Variants in HPF1 observed in about 807,000 individuals in gnomAD.
HPF1 encodes the protein histone PARylation factor 1.
Under a neutral mutation model 38.8 loss-of-function variants are expected in HPF1, and 35 were observed. The ratio of observed to expected loss-of-function variants is 0.90; its 90% CI spans 0.69 to 1.19. HPF1 has a LOEUF of 1.19. HPF1 is among the 50% of genes most tolerant of loss of function. The pLI is 0.00. For synonymous variants in HPF1, 115 were observed against 139.2 expected, an observed-to-expected ratio of 0.83 and a Z score of 1.22; for missense variants, 367 against 405.8, an observed-to-expected ratio of 0.90 and a Z score of 0.82.
chr4:169,734,475 C>T lies in HPF1; in HGVS notation c.737-2599G>A, dbSNP rs368967066. 1.1e-4 allele frequency among the ~76,000 whole-genome samples: 17 copies of T among 152,138 alleles called. 1 individual carries two copies. The highest frequency in any genetic ancestry group is 2.6e-4 in the African/African-American group (11 of 41,510). ...GACTAAAAAGAATAAGCAACTTATG[C>T]GAATTACTAAGCTAGAAAAACACTG... On this transcript the variant is annotated intron_variant, in intron 6 of 7. Coordinates refer to ENST00000393381, the MANE Select transcript of HPF1 (RefSeq NM_017867.3).
chr4:169,750,321 G>A (rs1734101322), intron 3 of HPF1, among the ~76,000 whole-genome samples: 1 of 152,172 alleles, frequency 6.6e-6, no homozygotes, highest in South Asian at 2.1e-4. Context: ...GGGAAAAAAA[G>A]TTTACAAGGA....
At chr4:169,731,160 T>TG (rs1230384218) in intron 7 of HPF1, among the ~76,000 whole-genome samples, 3 of 152,236 alleles carry the variant, frequency 2.0e-5, no homozygotes, top group African/African-American at 7.2e-5. Context: ...TTCAGGCAAC[T>TG]ATGGTCGAGT....
chr4:169,750,644 G>T lies in HPF1; in HGVS notation c.290C>A (p.Ser97Ter). Residue 97 changes from serine (S) to a stop codon, truncating the protein, a stop_gained, in exon 3 of 8, where the codon TCA becomes TAA. Coordinates refer to ENST00000393381, the MANE Select transcript of HPF1 (RefSeq NM_017867.3). LOFTEE classifies it high-confidence loss of function. ...GTGAAGGTTAAAATTCAGGCCTGTT[G>T]ATTTTTTCTTCGTTTTATGTTTTCC... Reference protein sequence around the residue: ...LAGKHKTKKKSTGLNFNLHWR... With the variant: ...LAGKHKTKKK The T allele has an allele frequency of 6.2e-7, 1 of 1,613,774 alleles. No homozygotes were observed. Among genetic ancestry groups the T allele is most frequent in the Non-Finnish European group, 8.5e-7 (1 of 1,179,820 alleles).
At chr4:169,742,148 TGTACTAA>T (rs1201808613) in intron 4 of HPF1, 41 bp from the exon 5 acceptor site, 7 of 1,581,484 alleles carry the variant, frequency 4.4e-6, no homozygotes, top group Non-Finnish European at 5.2e-6. Context: ...GGCAGGCCAC[TGTACTAA>T]GTACAAAGAC....
intron 5 of HPF1, among the ~76,000 whole-genome samples, chr4:169,741,569 G>T (rs1295114133): frequency 6.6e-6 from 1 of 152,202 alleles, no homozygotes; most frequent in Non-Finnish European, 1.5e-5. Flanking sequence ...TAAGGAAAAA[G>T]AAAGGAGCAC....
intron 2 of HPF1, among the ~76,000 whole-genome samples, chr4:169,753,028 G>GTTTTTTTTTTTTTTTTTTTT (rs71590035): frequency 9.6e-6 from 1 of 103,890 alleles, no homozygotes. Context: ...CCTTGGTTAG[G>GTTTTTTTTTTTTTTTTTTTT]TTTTTTTTTT....
intron 2 of HPF1, among the ~76,000 whole-genome samples, chr4:169,751,644 G>A (rs1160330210): frequency 6.6e-6 from 1 of 152,022 alleles, no homozygotes; most frequent in Non-Finnish European, 1.5e-5. Context: ...TAAGATGGAG[G>A]GAAGCACCCC....
intron 6 of HPF1, chr4:169,732,118 G>T: frequency 2.8e-6 from 1 of 362,056 alleles, no homozygotes. Flanking sequence ...CTATTTCACA[G>T]GATTTAGTTA....
intron 5 of HPF1, among the ~76,000 whole-genome samples, chr4:169,738,911 TTC>T (rs1490625794): frequency 6.6e-6 from 1 of 151,964 alleles, no homozygotes; most frequent in Non-Finnish European, 1.5e-5. Context: ...ACACTACATG[TTC>T]TCACTCATAG....
chr4:169,754,783 G>A (rs1180947218), intron 1 of HPF1, among the ~76,000 whole-genome samples: 1 of 152,148 alleles, frequency 6.6e-6, no homozygotes, highest in African/African-American at 2.4e-5. Context: ...GGTGCTAGTG[G>A]GGCAGAGGCC....
At chr4:169,737,368 T>A (rs1203861319) in intron 6 of HPF1, among the ~76,000 whole-genome samples, 1 of 152,114 alleles carries the variant, frequency 6.6e-6, no homozygotes, top group Non-Finnish European at 1.5e-5. Flanking sequence ...TTAAGTATTT[T>A]AATACTTGTT....
intron 3 of HPF1, among the ~76,000 whole-genome samples, chr4:169,750,031 G>T (rs1734098055): frequency 6.6e-6 from 1 of 152,124 alleles, no homozygotes; most frequent in Non-Finnish European, 1.5e-5. Flanking sequence ...TTTTCCTCCT[G>T]GAGTTTCTCT....
intron 6 of HPF1, among the ~76,000 whole-genome samples, chr4:169,736,305 C>G (rs1257971813): frequency 7.2e-6 from 1 of 138,686 alleles, no homozygotes; most frequent in African/African-American, 2.6e-5. Flanking sequence ...GAGGCCGAGA[C>G]AGGTTAATTG....
chr4:169,747,830 T>A (rs1734068574), intron 4 of HPF1, among the ~76,000 whole-genome samples: 1 of 152,244 alleles, frequency 6.6e-6, no homozygotes. Context: ...AGCACAGCTG[T>A]AGAGGCATCT....
intron 2 of HPF1, among the ~76,000 whole-genome samples, chr4:169,753,235 T>C (rs1278233729): frequency 6.6e-6 from 1 of 152,092 alleles, no homozygotes; most frequent in Non-Finnish European, 1.5e-5. Context: ...GGTTTCACTG[T>C]GTTGCCCAGA....
In HPF1 at chr4:169,750,521, G is replaced by A. The variant is rs1362843016; in HGVS notation, c.398+15C>T. 6.4e-7 allele frequency: 1 copy of A among 1,560,092 alleles called. No homozygotes were observed. Among genetic ancestry groups the A allele is most frequent in the Admixed American group, 1.9e-5 (1 of 53,482 alleles). On this transcript the variant is annotated intron_variant, in intron 3 of 7. Transcript: ENST00000393381. ...ACAGCAGCTGTATTTTAGAGGCGAA[G>A]AAAAGATCCTTTACCTGAAATACCC...
intron 4 of HPF1, among the ~76,000 whole-genome samples, chr4:169,744,109 A>G (rs1734014496): frequency 1.3e-5 from 2 of 152,310 alleles, no homozygotes; most frequent in South Asian, 4.1e-4. Context: ...AGATTTGATC[A>G]TGTCAGTCCT....
Position 169,757,913 on chromosome 4 carries a change from G to A in HPF1, c.-36C>T, listed in dbSNP as rs1184250585. ...CAGCGCCAGCAGAATTCCCCGATCC[G>A]CGGCCGCTTCCGAGCGCCGCCAACC... On this transcript the variant is annotated 5_prime_UTR_variant, in exon 1 of 8. Coordinates refer to ENST00000393381, the MANE Select transcript of HPF1 (RefSeq NM_017867.3). 1 of 1,535,496 alleles carries A rather than the reference G, an allele frequency of 6.5e-7. No homozygotes were observed. Among genetic ancestry groups the A allele is most frequent in the Non-Finnish European group, 8.7e-7 (1 of 1,145,052 alleles).
intron 6 of HPF1, among the ~76,000 whole-genome samples, chr4:169,733,512 A>G (rs755238224): frequency 2.0e-5 from 3 of 152,240 alleles, no homozygotes; most frequent in Admixed American, 6.5e-5. Flanking sequence ...ATTAACAATT[A>G]TACTCAAGAA....
Sources: gnomAD v4.1 joint callset for allele counts (sites outside exome capture counted in the v4.1 genomes callset) on GRCh38, gnomAD v4.1.1 for gene constraint, MANE v1.5 for transcripts, NCBI Gene and HGNC (gene_info 2026-07-23, HGNC 2026-07-21) for gene names.